DIP2B: variants seen among roughly 807,000 people sequenced by gnomAD.
DIP2B encodes disco-interacting protein 2 homolog B.
A neutral mutation model predicts 198.0 loss-of-function variants in DIP2B; 76 were observed. The ratio of observed to expected loss-of-function variants is 0.38; its 90% confidence interval spans 0.32 to 0.46. The LOEUF (loss-of-function observed/expected upper bound fraction) is 0.46, where lower values mean the gene tolerates loss of function less well. DIP2B is among the 20% of genes least tolerant of loss of function. The pLI, the probability that DIP2B is intolerant of heterozygous loss-of-function variation, is 0.99. For missense variants in DIP2B, 1,559 were observed against 1,978.4 expected (o/e 0.79, Z 4.02); for synonymous variants, 701 against 739.1 (o/e 0.95, Z 0.84).
intron 1 of DIP2B, among the ~76,000 whole-genome samples, chr12:50,515,208 ATC>A (rs918682763): frequency 6.6e-6 from 1 of 150,522 alleles, no homozygotes; most frequent in Non-Finnish European, 1.5e-5. Flanking sequence ...TGGATATGGC[ATC>A]TCTCTCTGCA....
chr12:50,704,272 C>T (rs775126008), intron 20 of DIP2B, 52 bp downstream of exon 20: 1 of 1,564,328 alleles, frequency 6.4e-7, no homozygotes, highest in Non-Finnish European at 8.7e-7. Context: ...AATATTTGGA[C>T]TTTAATTCAC....
intron 28 of DIP2B, among the ~76,000 whole-genome samples, chr12:50,725,856 T>C (rs964251700): frequency 5.9e-5 from 8 of 136,314 alleles, no homozygotes; most frequent in African/African-American, 1.3e-4. Context: ...CTCCCTACCC[T>C]TTTTTTTTTT....
chr12:50,634,228 GC>G (rs1283158010), intron 2 of DIP2B, among the ~76,000 whole-genome samples: 3 of 152,124 alleles, frequency 2.0e-5, no homozygotes, highest in African/African-American at 7.2e-5. Context: ...TTTTGGCGTG[GC>G]CGAAAGAATT....
At chr12:50,517,414 C>G (rs1392754321) in intron 1 of DIP2B, among the ~76,000 whole-genome samples, 3 of 152,020 alleles carry the variant, frequency 2.0e-5, no homozygotes, top group Non-Finnish European at 4.4e-5. Context: ...GTTGTTTCTA[C>G]TTCCTGTTCT....
chr12:50,658,389 G>C (rs1174913855), intron 3 of DIP2B, among the ~76,000 whole-genome samples: 1 of 152,080 alleles, frequency 6.6e-6, no homozygotes. Flanking sequence ...CACCCACTTA[G>C]GCCTCCCAAA....
intron 1 of DIP2B, among the ~76,000 whole-genome samples, chr12:50,558,595 A>C (rs1161628707): frequency 6.6e-6 from 1 of 152,214 alleles, no homozygotes; most frequent in Non-Finnish European, 1.5e-5. Flanking sequence ...TGAGGGAGCT[A>C]TCAGTCAGAG....
chr12:50,533,885 G>C (rs151275653), intron 1 of DIP2B, among the ~76,000 whole-genome samples: 1 of 151,984 alleles, frequency 6.6e-6, no homozygotes, highest in African/African-American at 2.4e-5. Flanking sequence ...CCACTGAGCC[G>C]GGCCTAACTT....
intron 1 of DIP2B, among the ~76,000 whole-genome samples, chr12:50,563,550 G>A (rs1362440034): frequency 6.8e-6 from 1 of 147,134 alleles, no homozygotes; most frequent in African/African-American, 2.5e-5. Context: ...GAGTGAGGCA[G>A]TGTGATTATA....
intron 22 of DIP2B, among the ~76,000 whole-genome samples, chr12:50,712,261 A>G (rs185980656): frequency 2.0e-5 from 3 of 152,250 alleles, no homozygotes; most frequent in East Asian, 3.9e-4. Context: ...CTCTTGTTCA[A>G]TAAGACCTAT....
At position 50,507,396 on chromosome 12, in the gene DIP2B, G is replaced by A. The variant is rs1468097086; in HGVS notation, c.100+2156G>A. On this transcript the variant is annotated intron_variant, in intron 1 of 37. Coordinates refer to ENST00000301180, the MANE Select transcript of DIP2B (RefSeq NM_173602.3). ...GATAGACATTAGGAATTCAAGTGAA[G>A]TTAAAATAATCCAAAAGTCCCCATA... Among the ~76,000 whole-genome samples the A allele has an allele frequency of 2.0e-5, 3 of 152,184 alleles. No homozygotes were observed. The East Asian group carries it at 5.8e-4, about 29-fold the overall frequency.
intron 32 of DIP2B, 93 bp from the exon 33 acceptor site, chr12:50,734,042 T>A: frequency 1.4e-6 from 2 of 1,407,184 alleles, no homozygotes; most frequent in Non-Finnish European, 2.0e-6. Context: ...AGTGTGGATT[T>A]TTCATGTATA....
chr12:50,516,445 G>A (rs988126556), intron 1 of DIP2B, among the ~76,000 whole-genome samples: 1 of 151,880 alleles, frequency 6.6e-6, no homozygotes, highest in Non-Finnish European at 1.5e-5. Flanking sequence ...GTAGAGATGG[G>A]GTCTCGTTAT....
intron 23 of DIP2B, among the ~76,000 whole-genome samples, chr12:50,716,958 C>CTTTTTTTTTTTTTTTTTTTTTGTTTTTT (rs1939733256): frequency 1.7e-5 from 1 of 58,924 alleles, no homozygotes. Flanking sequence ...CGAATTGTTG[C>CTTTTTTTTTTTTTTTTTTTTTGTTTTTT]TTTTTTTTTT....
intron 1 of DIP2B, among the ~76,000 whole-genome samples, chr12:50,551,172 C>G (rs1002528399): frequency 6.6e-6 from 1 of 152,004 alleles, no homozygotes; most frequent in Non-Finnish European, 1.5e-5. Context: ...GTCTGTAGTC[C>G]CAGCACTTTG....
At chr12:50,675,170 T>G (rs1178633693) in intron 6 of DIP2B, among the ~76,000 whole-genome samples, 159 bp from the exon 7 acceptor site, 1 of 152,220 alleles carries the variant, frequency 6.6e-6, no homozygotes, top group Non-Finnish European at 1.5e-5. Context: ...TGTTCTCTAT[T>G]GTCATAAAAC....
At chr12:50,716,187 T>C (rs1471466966) in intron 23 of DIP2B, among the ~76,000 whole-genome samples, 1 of 152,224 alleles carries the variant, frequency 6.6e-6, no homozygotes, top group African/African-American at 2.4e-5. Context: ...ATTAAAAGGC[T>C]GTCTCCAACA....
rs763621578 is a variant in DIP2B, at chr12:50,731,444, A to T, written c.3717A>T (p.Thr1239=). 38 of 1,614,082 alleles carry T rather than the reference A, an allele frequency of 2.4e-5. No individual in the cohort carries two copies. Among genetic ancestry groups the T allele is most frequent in the Non-Finnish European group, 3.1e-5 (37 of 1,180,026 alleles). ...LENNLFLWLS[T]VNQYKIRDTF... is the part of the protein sequence containing the mutation. Reference sequence around the variant, plus strand: ...ACAACCTTTTCCTCTGGCTCTCCACAGTCAACCAGTACAAAATAAGGGACA... The same window carrying T: ...ACAACCTTTTCCTCTGGCTCTCCACTGTCAACCAGTACAAAATAAGGGACA... Residue 1239 remains threonine, a synonymous_variant, in exon 31 of 38, where the codon ACA becomes ACT. Transcript: ENST00000301180.
chr12:50,505,978 C>T (rs1382823150), intron 1 of DIP2B, among the ~76,000 whole-genome samples: 1 of 151,366 alleles, frequency 6.6e-6, no homozygotes, highest in Non-Finnish European at 1.5e-5. Context: ...TCCTGGCTGG[C>T]ATTCTTTCTT....
intron 1 of DIP2B, among the ~76,000 whole-genome samples, chr12:50,554,629 G>A (rs748771736): frequency 1.3e-5 from 2 of 152,086 alleles, no homozygotes; most frequent in East Asian, 1.9e-4. Context: ...TGGATCAGCC[G>A]TCTCTAGTTT....
Sources: gnomAD v4.1 joint callset for allele counts (sites outside exome capture counted in the v4.1 genomes callset) on GRCh38, gnomAD v4.1.1 for gene constraint, MANE v1.5 for transcripts, NCBI Gene and HGNC (gene_info 2026-07-23, HGNC 2026-07-21) for gene names.